The following TRAF3IP1 variants were observed in gnomAD, a reference collection of about 807,000 sequenced individuals.
TRAF3IP1 encodes the protein intraflagellar transport 54, also known as TRAF3-interacting protein 1.
In TRAF3IP1, 53 loss-of-function variants were observed where a neutral mutation model predicts 89.9. That is an observed-to-expected ratio of 0.59 (90% CI 0.47 to 0.74). The LOEUF (loss-of-function observed/expected upper bound fraction) is 0.74. TRAF3IP1 is among the 30% of genes least tolerant of loss of function. The pLI, the probability that TRAF3IP1 is intolerant of heterozygous loss-of-function variation, is 0.00. For synonymous variants in TRAF3IP1, 311 were observed against 322.1 expected (o/e 0.97, Z 0.37); for missense variants, 806 against 866.1 (o/e 0.93, Z 0.87).
At chr2:238,324,120 T>A (rs945661903) in intron 1 of TRAF3IP1, among the ~76,000 whole-genome samples, 1 of 151,984 alleles carries the variant, frequency 6.6e-6, no homozygotes, top group Admixed American at 6.6e-5. Flanking sequence ...CAGGCTGGAG[T>A]CCTGTGGCAT....
At chr2:238,355,293 C>T (rs1490495540) in intron 14 of TRAF3IP1, among the ~76,000 whole-genome samples, 1 of 152,208 alleles carries the variant, frequency 6.6e-6, no homozygotes, top group Non-Finnish European at 1.5e-5. Context: ...CTCTCCCTCT[C>T]CCTGTAGGTA....
intron 15 of TRAF3IP1, among the ~76,000 whole-genome samples, chr2:238,366,215 G>A (rs968713100): frequency 2.0e-5 from 3 of 152,010 alleles, no homozygotes; most frequent in Non-Finnish European, 1.5e-5. Context: ...CAGCCTGGGC[G>A]ACAAAGCAAG....
At chr2:238,340,831 GTGTA>G (rs1698609419) in intron 8 of TRAF3IP1, among the ~76,000 whole-genome samples, 1 of 81,868 alleles carries the variant, frequency 1.2e-5, no homozygotes, top group Admixed American at 1.3e-4. Context: ...GTGTGTGTGT[GTGTA>G]TATATATATA....
intron 5 of TRAF3IP1, among the ~76,000 whole-genome samples, chr2:238,330,080 C>T (rs1698046225): frequency 6.6e-6 from 1 of 152,166 alleles, no homozygotes; most frequent in Admixed American, 6.5e-5. Context: ...TCATTTGTGT[C>T]ACTCTCAGTA....
intron 15 of TRAF3IP1, among the ~76,000 whole-genome samples, chr2:238,368,631 AT>A (rs1413767262): frequency 6.6e-6 from 1 of 152,172 alleles, no homozygotes; most frequent in East Asian, 1.9e-4. Context: ...AAGAAAAAAA[AT>A]GAAAATAAAG....
At chr2:238,365,638 A>AT (rs1404997991) in intron 15 of TRAF3IP1, among the ~76,000 whole-genome samples, 2 of 152,124 alleles carry the variant, frequency 1.3e-5, no homozygotes, top group Non-Finnish European at 2.9e-5. Flanking sequence ...AGACTGGGTG[A>AT]TAGTGTGAGA....
rs765398510 is a variant in TRAF3IP1, at chr2:238,329,295, G to A, written c.868G>A (p.Asp290Asn). Residue 290 changes from aspartate to asparagine, a missense_variant, in exon 5 of 17, where the codon GAC (aspartate) becomes AAC (asparagine). Physicochemically the swap from Asp to Asn is conservative, Grantham distance 23. Transcript: ENST00000373327. ...RRVKNGEHSW[D>N]LDREKNREHD... is the part of the protein sequence containing the mutation. The stretch of plus-strand genomic sequence containing the variant: ...AGTGAAAAACGGGGAGCACTCCTGG[G>A]ACCTGGACAGGGAGAAGAACAGAGA... 1.3e-5 allele frequency: 19 copies of A among 1,464,118 alleles called. No individual in the cohort carries two copies. In the South Asian group the frequency reaches 3.1e-4, roughly 24 times the overall value. The allele number at this position is 1,464,118 out of a possible 1,614,324, so 90.7% of individuals were successfully genotyped here.
intron 11 of TRAF3IP1, among the ~76,000 whole-genome samples, chr2:238,349,118 T>C (rs1272819664): frequency 1.3e-5 from 2 of 152,148 alleles, no homozygotes; most frequent in African/African-American, 2.4e-5. Flanking sequence ...ATTTTGAAAT[T>C]ACTGAAAATA....
chr2:238,382,544 T>A (rs1421126041), intron 15 of TRAF3IP1, among the ~76,000 whole-genome samples: 1 of 151,792 alleles, frequency 6.6e-6, no homozygotes, highest in Non-Finnish European at 1.5e-5. Flanking sequence ...TGTGTTCAGA[T>A]CAGCAGGTCG....
chr2:238,328,580 C>A, intron 3 of TRAF3IP1, 106 bp from the exon 4 acceptor site: 1 of 1,322,258 alleles, frequency 7.6e-7, no homozygotes, highest in Non-Finnish European at 1.0e-6. Flanking sequence ...TCATTGTAGA[C>A]AGAGAATCTG....
chr2:238,362,992 C>T (rs1392813672), intron 15 of TRAF3IP1, among the ~76,000 whole-genome samples: 1 of 152,208 alleles, frequency 6.6e-6, no homozygotes, highest in Admixed American at 6.5e-5. Flanking sequence ...GTCTTACAGT[C>T]ATGGCATAAA....
intron 15 of TRAF3IP1, among the ~76,000 whole-genome samples, chr2:238,382,381 TAAA>T (rs1003900613): frequency 4.2e-4 from 64 of 152,230 alleles, no homozygotes; most frequent in African/African-American, 1.5e-3. Context: ...AAAAAGCTGA[TAAA>T]AGAACAAAAA....
chr2:238,326,984 T>C (rs1412405443), intron 3 of TRAF3IP1, among the ~76,000 whole-genome samples: 1 of 152,186 alleles, frequency 6.6e-6, no homozygotes, highest in East Asian at 1.9e-4. Flanking sequence ...CACATCTGGC[T>C]CCTGTCTCCT....
Position 238,398,942 on chromosome 2 carries a change from A to G in TRAF3IP1, c.*23A>G. On this transcript the variant is annotated 3_prime_UTR_variant, in exon 17 of 17. Transcript: ENST00000373327. ...TGAACACTCAAAAGTTTCAGAGATG[A>G]AAAGTCACCTCAGTTTAAAAGCAAA... 1.3e-6 allele frequency: 2 copies of G among 1,577,542 alleles called. No individual in the cohort carries two copies. Among genetic ancestry groups the G allele is most frequent in the Middle Eastern group, 3.5e-4 (2 of 5,646 alleles).
At chr2:238,374,921 G>C (rs1431826613) in intron 15 of TRAF3IP1, among the ~76,000 whole-genome samples, 1 of 152,140 alleles carries the variant, frequency 6.6e-6, no homozygotes, top group African/African-American at 2.4e-5. Context: ...TTGTGTAGAG[G>C]TGTTTATAGT....
At chr2:238,368,541 C>G (rs993416278) in intron 15 of TRAF3IP1, among the ~76,000 whole-genome samples, 2 of 152,044 alleles carry the variant, frequency 1.3e-5, no homozygotes, top group African/African-American at 4.8e-5. Context: ...GACTGACATT[C>G]ACTTAGTGAA....
Position 238,329,130 on chromosome 2 carries a change from G to A in TRAF3IP1, c.703G>A (p.Gly235Ser). 6.4e-7 allele frequency: 1 copy of A among 1,551,348 alleles called. No homozygotes were observed. The highest frequency in any genetic ancestry group is 1.2e-5 in the South Asian group (1 of 84,106). The change falls in exon 5 of 17, where the codon GGC (glycine) becomes AGC (serine). Residue 235 changes from glycine to serine, a missense_variant. Gly to Ser is a moderately conservative substitution (Grantham distance 56). Around this residue, in one of 3 missense-constraint regions of TRAF3IP1, gnomAD observed 732 missense variants for 780.5 expected, o/e 0.94. Transcript: ENST00000373327. The part of the protein sequence containing the change: ...RPDNERQKDR[G>S]NRERDRDSER... ...AGACAACGAGCGACAGAAAGACAGA[G>A]GCAACAGGGAGCGGGACAGAGACTC...
chr2:238,353,030 T>C, intron 13 of TRAF3IP1, 80 bp downstream of exon 13: 1 of 1,536,932 alleles, frequency 6.5e-7, no homozygotes, highest in Non-Finnish European at 8.8e-7. Flanking sequence ...TTTAGATTTA[T>C]GTAGACAAAA....
rs527390292 is a variant in TRAF3IP1 at position 238,396,131 on chromosome 2, A to C, written c.1690-1328A>C. On this transcript the variant is annotated intron_variant, in intron 15 of 16. Coordinates refer to ENST00000373327, the MANE Select transcript of TRAF3IP1 (RefSeq NM_015650.4). Reference sequence around the variant, plus strand: ...ATAGCAAAGACTTGGAACCAACCCAAATGTCCAACAACGATAGACTGGATT... The same window carrying C: ...ATAGCAAAGACTTGGAACCAACCCACATGTCCAACAACGATAGACTGGATT... Among the ~76,000 whole-genome samples the C allele has an allele frequency of 2.7e-3, 417 of 152,302 alleles. 2 individuals carry two copies. Among genetic ancestry groups the C allele is most frequent in the African/African-American group, 9.5e-3 (394 of 41,564 alleles).
Sources: gnomAD v4.1 joint callset for allele counts (sites outside exome capture counted in the v4.1 genomes callset) on GRCh38, gnomAD v4.1.1 for gene constraint, gnomAD v4.1.1 regional missense constraint, MANE v1.5 for transcripts, NCBI Gene and HGNC (gene_info 2026-07-23, HGNC 2026-07-21) for gene names.